PROSER2: variants seen among roughly 807,000 people sequenced by gnomAD.
PROSER2 encodes proline and serine rich 2.
In PROSER2, 18 loss-of-function variants were observed where a neutral mutation model predicts 14.6. That is an observed-to-expected ratio of 1.23 (90% confidence interval 0.85 to 1.83). The LOEUF is 1.83. PROSER2 is among the 40% of genes most tolerant of loss of function. PROSER2 has a pLI of 0.00. For missense variants in PROSER2, 823 were observed against 629.8 expected, an observed-to-expected ratio of 1.31 and a Z score of -3.28; for synonymous variants, 367 against 286.4, an observed-to-expected ratio of 1.28 and a Z score of -2.84.
rs1217764327 is a variant in PROSER2, at chr10:11,870,685, G to GA, written c.*280dup. The GA allele has an allele frequency of 1.1e-5, 4 of 362,234 alleles. No individual in the cohort carries two copies. Among genetic ancestry groups the GA allele is most frequent in the Non-Finnish European group, 2.1e-5 (4 of 193,514 alleles). 22.4% of individuals were successfully genotyped at this position (362,234 alleles called of 1,614,324 possible). A position where few individuals can be genotyped will look rare whatever the true frequency, so the allele number is the denominator to read the frequency against. On this transcript the variant is annotated 3_prime_UTR_variant, in exon 4 of 4. Transcript: ENST00000277570. ...CTGAGAGAGAGAGAATAACCTGTTA[G>GA]ACCCATAGGTTTCCGTGATGTGTAA...
Position 11,861,399 on chromosome 10 carries a change from C to T in PROSER2, c.139-5132C>T, listed in dbSNP as rs138610417. ...AGTTGCTGATCTTATCTGAAGCCCT[C>T]ATTGGGTGGTAAGCTCTAGACAGCA... On this transcript the variant is annotated intron_variant, in intron 2 of 3. Transcript: ENST00000277570. 4.4e-4 allele frequency among the ~76,000 whole-genome samples: 67 copies of T among 152,182 alleles called. 1 individual carries two copies. The East Asian group carries it at 0.013, about 29-fold the overall frequency.
At chr10:11,844,092 A>G (rs1833889742) in intron 1 of PROSER2, among the ~76,000 whole-genome samples, 1 of 152,128 alleles carries the variant, frequency 6.6e-6, no homozygotes, top group East Asian at 1.9e-4. Context: ...CCTGGCCTCA[A>G]GTGATCCTCC....
chr10:11,858,497 C>T (rs897948227), intron 2 of PROSER2, among the ~76,000 whole-genome samples: 1 of 152,184 alleles, frequency 6.6e-6, no homozygotes, highest in African/African-American at 2.4e-5. Flanking sequence ...ATCAGCTAGA[C>T]TGGGACTTTG....
intron 1 of PROSER2, among the ~76,000 whole-genome samples, chr10:11,827,037 A>C (rs1395772450): frequency 2.0e-5 from 3 of 151,836 alleles, no homozygotes; most frequent in Non-Finnish European, 4.4e-5. Context: ...GGCACGTGCC[A>C]CCACGTCCAG....
At chr10:11,861,067 C>T (rs762213777) in intron 2 of PROSER2, among the ~76,000 whole-genome samples, 67 of 152,336 alleles carry the variant, frequency 4.4e-4, no homozygotes, top group Non-Finnish European at 8.4e-4. Flanking sequence ...GATCGTGCCA[C>T]TGCACTCCAG....
At position 11,870,473 on chromosome 10, in the gene PROSER2, A is replaced by G; in HGVS notation, c.*67A>G. The stretch of plus-strand genomic sequence containing the variant: ...GAAGAGAGGGTGAAAGAGTCGCTGC[A>G]CCCAGGAGCTGTTTGGTCTAAAATG... On this transcript the variant is annotated 3_prime_UTR_variant, in exon 4 of 4. Coordinates refer to ENST00000277570, the MANE Select transcript of PROSER2 (RefSeq NM_153256.4). 1.6e-6 allele frequency: 2 copies of G among 1,281,218 alleles called. No homozygotes were observed. Among genetic ancestry groups the G allele is most frequent in the South Asian group, 1.7e-5 (1 of 57,158 alleles). The allele number at this position is 1,281,218 out of a possible 1,614,324, so 79.4% of individuals were successfully genotyped here. A position where few individuals can be genotyped will look rare whatever the true frequency, so the allele number is the denominator to read the frequency against.
rs1481789277 is a variant in PROSER2, at chr10:11,830,176, T to A, written c.-82+6706T>A. On this transcript the variant is annotated intron_variant, in intron 1 of 3. Coordinates refer to ENST00000277570, the MANE Select transcript of PROSER2 (RefSeq NM_153256.4). The surrounding 1 kb of genome is among the most constrained non-coding windows in gnomAD (Gnocchi z 4.5). ...AGTTTTTCAGCCCTCCTCTCCCCAC[T>A]CCATGGACCTTCCCACCTTTTGGAG... Among the ~76,000 whole-genome samples, 1 of 152,108 alleles carries A rather than the reference T, an allele frequency of 6.6e-6. No homozygotes were observed. The highest frequency in any genetic ancestry group is 2.4e-5 in the African/African-American group (1 of 41,428).
At position 11,866,419 on chromosome 10, in the gene PROSER2, C is replaced by T; in HGVS notation, c.139-112C>T. On this transcript the variant is annotated intron_variant, in intron 2 of 3. Coordinates refer to ENST00000277570, the MANE Select transcript of PROSER2 (RefSeq NM_153256.4). This position sits in a 1 kb window ranked among gnomAD's most constrained non-coding sequence, Gnocchi z 6.0. ...TGTGTGGCAGGGTACTCTCGGGACA[C>T]AGTGAGTTCCGCCCTGGGCTGTGGA... is the stretch of plus-strand genomic sequence containing the variant. The T allele has an allele frequency of 3.1e-6, 4 of 1,308,070 alleles. No individual in the cohort carries two copies. Among genetic ancestry groups the T allele is most frequent in the Non-Finnish European group, 1.1e-6 (1 of 936,438 alleles). The allele number at this position is 1,308,070 out of a possible 1,614,324, so 81.0% of individuals were successfully genotyped here. A position where few individuals can be genotyped will look rare whatever the true frequency, so the allele number is the denominator to read the frequency against.
At chr10:11,867,328 A>ATACACAATGCATACATGC (rs1380953608) in intron 3 of PROSER2, among the ~76,000 whole-genome samples, 1 of 150,976 alleles carries the variant, frequency 6.6e-6, no homozygotes, top group Admixed American at 6.6e-5. Flanking sequence ...ATTTTTTTAA[A>ATACACAATGCATACATGC]TACACAATGC....
chr10:11,859,778 A>G (rs1180796223), intron 2 of PROSER2, among the ~76,000 whole-genome samples: 2 of 152,220 alleles, frequency 1.3e-5, no homozygotes, highest in African/African-American at 4.8e-5. Flanking sequence ...CATGTAAAGT[A>G]TACATTCAAT....
chr10:11,842,894 C>T (rs577386227), intron 1 of PROSER2, among the ~76,000 whole-genome samples: 2 of 140,712 alleles, frequency 1.4e-5, no homozygotes, highest in Admixed American at 7.3e-5. Context: ...TCAGATGAAA[C>T]AGAACTCCTC....
intron 2 of PROSER2, 92 bp downstream of exon 2, chr10:11,852,307 C>T: frequency 7.3e-7 from 1 of 1,363,414 alleles, no homozygotes; most frequent in Non-Finnish European, 9.9e-7. Context: ...TTTACCAGAT[C>T]TTTTTGGGTC....
intron 1 of PROSER2, among the ~76,000 whole-genome samples, chr10:11,824,456 C>T (rs552797153): frequency 6.6e-6 from 1 of 152,252 alleles, no homozygotes; most frequent in South Asian, 2.1e-4. Flanking sequence ...TTTAAAAACA[C>T]TACATAAAAG....
chr10:11,854,357 G>C (rs1490912662), intron 2 of PROSER2, among the ~76,000 whole-genome samples: 1 of 152,196 alleles, frequency 6.6e-6, no homozygotes, highest in Non-Finnish European at 1.5e-5. Context: ...ACCCAGGCTG[G>C]AGGGCAGTGG....
intron 1 of PROSER2, among the ~76,000 whole-genome samples, chr10:11,832,757 G>A (rs1412117269): frequency 1.3e-5 from 2 of 152,240 alleles, no homozygotes; most frequent in South Asian, 2.1e-4. Context: ...TAACATGTCT[G>A]AAACTACTCT....
chr10:11,869,851 C>T lies in PROSER2; in HGVS notation c.753C>T (p.Pro251=), dbSNP rs976182926. Residue 251 remains proline, a synonymous_variant, in exon 4 of 4, where the codon CCC becomes CCT. Transcript: ENST00000277570. The surrounding 1 kb of genome is among the most constrained non-coding windows in gnomAD (Gnocchi z 4.4). ...GCCACCCGGCGCAGCCCAAGGCACC[C>T]CGCTTCCCCAGCAACATCATCGTCA... ...GPSHPAQPKA[P]RFPSNIIVTN... is the part of the protein sequence containing the mutation. The T allele has an allele frequency of 6.3e-7, 1 of 1,590,040 alleles. No homozygotes were observed. Among genetic ancestry groups the T allele is most frequent in the Non-Finnish European group, 8.5e-7 (1 of 1,170,458 alleles).
At chr10:11,850,606 A>G (rs935792631) in intron 1 of PROSER2, 5 of 152,198 alleles carry the variant, frequency 3.3e-5, no homozygotes, top group African/African-American at 7.2e-5. Flanking sequence ...ATGTATATGC[A>G]TATCATCTTC....
At position 11,870,082 on chromosome 10, in the gene PROSER2, T is replaced by G. The variant is rs1349775768; in HGVS notation, c.984T>G (p.Ser328Arg). Residue 328 changes from serine to arginine, a missense_variant, in exon 4 of 4, where the codon AGT (serine) becomes AGG (arginine). Physicochemically the swap from Ser to Arg is moderately radical, Grantham distance 110. Coordinates refer to ENST00000277570, the MANE Select transcript of PROSER2 (RefSeq NM_153256.4). ...RGRGLPGPAESLRAGGQAPRG... is the reference protein window; with the variant it reads ...RGRGLPGPAERLRAGGQAPRG... ...GGGGCCTGCCGGGCCCCGCTGAGAG[T>G]CTCCGGGCAGGGGGTCAGGCTCCGC... is the stretch of plus-strand genomic sequence containing the variant. 12 of 1,283,264 alleles carry G rather than the reference T, an allele frequency of 9.4e-6. No homozygotes were observed. The highest frequency in any genetic ancestry group is 1.1e-5 in the Non-Finnish European group (11 of 1,015,942). 79.5% of individuals were successfully genotyped at this position (1,283,264 alleles called of 1,614,324 possible). A position where few individuals can be genotyped will look rare whatever the true frequency, so the allele number is the denominator to read the frequency against.
rs1007213807 is a variant in PROSER2, at chr10:11,830,194, T to A, written c.-82+6724T>A. ...TCCCCACTCCATGGACCTTCCCACC[T>A]TTTGGAGTCTCCCGTGTCCATTATT... On this transcript the variant is annotated intron_variant, in intron 1 of 3. Coordinates refer to ENST00000277570, the MANE Select transcript of PROSER2 (RefSeq NM_153256.4). The surrounding 1 kb of genome is among the most constrained non-coding windows in gnomAD (Gnocchi z 4.5). 2.6e-5 allele frequency among the ~76,000 whole-genome samples: 4 copies of A among 152,284 alleles called. No individual in the cohort carries two copies. The highest frequency in any genetic ancestry group is 1.3e-4 in the Admixed American group (2 of 15,294).
Sources: gnomAD v4.1 joint callset for allele counts (sites outside exome capture counted in the v4.1 genomes callset) on GRCh38, gnomAD v4.1.1 for gene constraint, Gnocchi (gnomAD v3.1) non-coding constraint, MANE v1.5 for transcripts, NCBI Gene and HGNC (gene_info 2026-07-23, HGNC 2026-07-21) for gene names.